FHIT: variants seen among roughly 807,000 people sequenced by gnomAD.
FHIT encodes fragile histidine triad diadenosine triphosphatase.
In FHIT, 19 loss-of-function variants were observed where a neutral mutation model predicts 17.9. The ratio of observed to expected loss-of-function variants is 1.06; its 90% CI spans 0.74 to 1.56. The LOEUF (loss-of-function observed/expected upper bound fraction) is 1.56, where lower values mean the gene tolerates loss of function less well. Ranked by LOEUF, FHIT falls within the 40% of genes most tolerant of loss-of-function variation. The pLI is 0.00. For missense variants in FHIT, 248 were observed against 189.2 expected (o/e 1.31, Z -1.82); for synonymous variants, 81 against 69.7 (o/e 1.16, Z -0.81).
chr3:60,201,446 G>A (rs1346718461), intron 5 of FHIT, among the ~76,000 whole-genome samples: 1 of 151,978 alleles, frequency 6.6e-6, no homozygotes, highest in African/African-American at 2.4e-5. Context: ...CTCCCAAGTA[G>A]AATATCTTAA....
At chr3:60,551,779 T>TA (rs1013289586) in intron 4 of FHIT, among the ~76,000 whole-genome samples, 12 of 149,906 alleles carry the variant, frequency 8.0e-5, no homozygotes, top group Non-Finnish European at 1.3e-4. Context: ...CTCAGGAGCT[T>TA]AAAAAAAAGC....
chr3:60,261,443 C>G (rs1706296134), intron 5 of FHIT, among the ~76,000 whole-genome samples: 1 of 151,898 alleles, frequency 6.6e-6, no homozygotes, highest in African/African-American at 2.4e-5. Context: ...ATTCATGAGT[C>G]CTGTTGATAC....
chr3:60,300,134 C>T (rs1391909599), intron 5 of FHIT, among the ~76,000 whole-genome samples: 1 of 152,054 alleles, frequency 6.6e-6, no homozygotes, highest in African/African-American at 2.4e-5. Context: ...CTTCTCTCCA[C>T]CTCTCAGAAT....
intron 5 of FHIT, among the ~76,000 whole-genome samples, chr3:60,404,501 CCTCTAGGTAGG>C (rs1701779049): frequency 6.6e-6 from 1 of 152,116 alleles, no homozygotes; most frequent in Non-Finnish European, 1.5e-5. Flanking sequence ...GAAGTCACTT[CCTCTAGGTAGG>C]CTTCCATAAA....
At chr3:60,678,960 T>TAA (rs34590329) in intron 4 of FHIT, among the ~76,000 whole-genome samples, 213 of 142,222 alleles carry the variant, frequency 1.5e-3, no homozygotes, top group Admixed American at 1.8e-3. Context: ...TTTGAGTCCT[T>TAA]AAAAAAAAAA....
At chr3:59,836,336 C>T (rs1239924830) in intron 8 of FHIT, among the ~76,000 whole-genome samples, 7 of 152,138 alleles carry the variant, frequency 4.6e-5, no homozygotes, top group Admixed American at 3.9e-4. Flanking sequence ...CCACACTATC[C>T]CTTCAAACGC....
At chr3:60,996,814 C>G (rs1559896616) in intron 3 of FHIT, among the ~76,000 whole-genome samples, 1 of 152,032 alleles carries the variant, frequency 6.6e-6, no homozygotes, top group Non-Finnish European at 1.5e-5. Flanking sequence ...ACCACTATGC[C>G]TGAAAGTTAT....
intron 5 of FHIT, among the ~76,000 whole-genome samples, chr3:60,044,431 C>T (rs1701566819): frequency 6.6e-6 from 1 of 152,120 alleles, no homozygotes; most frequent in African/African-American, 2.4e-5. Flanking sequence ...AGCATGAGTG[C>T]CCAGGGTAAG....
At chr3:61,099,939 T>C (rs2035765220) in intron 2 of FHIT, among the ~76,000 whole-genome samples, 1 of 152,182 alleles carries the variant, frequency 6.6e-6, no homozygotes, top group African/African-American at 2.4e-5. Flanking sequence ...ACACCAGGAA[T>C]GTATGAAGGT....
At chr3:60,155,018 A>G (rs1700619587) in intron 5 of FHIT, among the ~76,000 whole-genome samples, 1 of 151,982 alleles carries the variant, frequency 6.6e-6, no homozygotes, top group Non-Finnish European at 1.5e-5. Context: ...TGGGCAACAT[A>G]GTGAGATCCC....
intron 3 of FHIT, among the ~76,000 whole-genome samples, chr3:60,905,467 T>C (rs1205990835): frequency 6.6e-6 from 1 of 152,202 alleles, no homozygotes; most frequent in Non-Finnish European, 1.5e-5. Flanking sequence ...ACCAGCAATG[T>C]CAGTTACAGC....
intron 5 of FHIT, among the ~76,000 whole-genome samples, chr3:60,289,417 C>A (rs751873185): frequency 6.6e-6 from 1 of 152,236 alleles, no homozygotes; most frequent in African/African-American, 2.4e-5. Flanking sequence ...CAGAAAATAT[C>A]CATTCCATGG....
intron 3 of FHIT, among the ~76,000 whole-genome samples, chr3:60,973,521 C>T (rs987234105): frequency 6.6e-6 from 1 of 152,114 alleles, no homozygotes; most frequent in East Asian, 1.9e-4. Context: ...ATCTTGTTTC[C>T]TCCAGTCCTT....
At chr3:60,026,551 A>T (rs1700747426) in intron 5 of FHIT, among the ~76,000 whole-genome samples, 1 of 152,118 alleles carries the variant, frequency 6.6e-6, no homozygotes, top group Non-Finnish European at 1.5e-5. Context: ...TCATAATGTA[A>T]GCATCACTGG....
intron 7 of FHIT, among the ~76,000 whole-genome samples, chr3:60,006,421 C>G (rs1699926143): frequency 6.6e-6 from 1 of 152,086 alleles, no homozygotes; most frequent in Non-Finnish European, 1.5e-5. Context: ...TAAAGCCTAG[C>G]CACAATCTAT....
chr3:60,452,328 T>C (rs1410163141), intron 5 of FHIT, among the ~76,000 whole-genome samples: 3 of 152,140 alleles, frequency 2.0e-5, no homozygotes, highest in African/African-American at 7.2e-5. Context: ...GAAAACCCTA[T>C]GAAGTGGTTT....
intron 7 of FHIT, among the ~76,000 whole-genome samples, chr3:59,989,297 T>C (rs547152458): frequency 4.6e-5 from 7 of 152,122 alleles, no homozygotes; most frequent in African/African-American, 1.7e-4. Context: ...ACTAGGTCAG[T>C]TTAGCTTCAG....
intron 5 of FHIT, among the ~76,000 whole-genome samples, chr3:60,288,783 ATTTG>A (rs1707848751): frequency 6.6e-6 from 1 of 152,148 alleles, no homozygotes; most frequent in South Asian, 2.1e-4. Context: ...ATACACTAAT[ATTTG>A]TTTCTTTATT....
intron 2 of FHIT, among the ~76,000 whole-genome samples, chr3:61,173,776 G>T (rs76140277): frequency 6.6e-6 from 1 of 152,142 alleles, no homozygotes; most frequent in East Asian, 1.9e-4. Flanking sequence ...TTAAGGAGAA[G>T]TAGCTTTATA....
Sources: gnomAD v4.1 joint callset for allele counts (sites outside exome capture counted in the v4.1 genomes callset) on GRCh38, gnomAD v4.1.1 for gene constraint, MANE v1.5 for transcripts, NCBI Gene and HGNC (gene_info 2026-07-23, HGNC 2026-07-21) for gene names.